COG5: variants seen among roughly 807,000 people sequenced by gnomAD.
The protein encoded by COG5 is component of oligomeric golgi complex 5.
In COG5, 86 loss-of-function variants were observed where a neutral mutation model predicts 110.4. That is an observed-to-expected ratio of 0.78 (90% confidence interval 0.65 to 0.93). The LOEUF is 0.93. Among genes scored for constraint, COG5 ranks in the 40% least tolerant of loss-of-function variants. The pLI is 0.00. For missense variants in COG5, 1,077 were observed against 987.0 expected (o/e 1.09, Z -1.22); for synonymous variants, 360 against 334.6 (o/e 1.08, Z -0.83).
intron 7 of COG5, among the ~76,000 whole-genome samples, chr7:107,390,367 T>C (rs1209366840): frequency 2.6e-5 from 4 of 152,084 alleles, no homozygotes; most frequent in Non-Finnish European, 5.9e-5. Flanking sequence ...GATAAAAAAA[T>C]TCTTGCACGT....
chr7:107,387,914 G>T (rs549748874), intron 7 of COG5, among the ~76,000 whole-genome samples: 1 of 152,186 alleles, frequency 6.6e-6, no homozygotes, highest in East Asian at 1.9e-4. Flanking sequence ...CTTTTTCTTC[G>T]ACTTCAGCAA....
chr7:107,276,035 G>T (rs1345376249), intron 14 of COG5, among the ~76,000 whole-genome samples: 2 of 151,994 alleles, frequency 1.3e-5, no homozygotes, highest in African/African-American at 4.8e-5. Context: ...CATAGCTACT[G>T]ATCTGCATTG....
At position 107,227,723 on chromosome 7, in the gene COG5, G is replaced by T. The variant is rs1340732281; in HGVS notation, c.2168+2892C>A. Among the ~76,000 whole-genome samples the T allele has an allele frequency of 1.3e-5, 2 of 151,796 alleles. 1 individual carries two copies. Among genetic ancestry groups the T allele is most frequent in the East Asian group, 3.9e-4 (2 of 5,134 alleles). On this transcript the variant is annotated intron_variant, in intron 19 of 21. Coordinates refer to ENST00000297135, the MANE Select transcript of COG5 (RefSeq NM_006348.5). The stretch of plus-strand genomic sequence containing the variant: ...TTTTGGGGCGGGGGGTGTGGGTGGT[G>T]GGCGGTAAAGGGTCTCAGTCTGTCA...
intron 14 of COG5, among the ~76,000 whole-genome samples, chr7:107,267,276 C>G (rs1318773208): frequency 2.0e-5 from 3 of 152,192 alleles, no homozygotes; most frequent in African/African-American, 7.2e-5. Flanking sequence ...CCTGGCAATA[C>G]AGGGGATAAG....
intron 6 of COG5, among the ~76,000 whole-genome samples, chr7:107,419,444 A>G (rs547586179): frequency 9.9e-5 from 15 of 152,230 alleles, no homozygotes; most frequent in African/African-American, 3.6e-4. Context: ...ATATTTTACC[A>G]CCAATTATCT....
intron 6 of COG5, among the ~76,000 whole-genome samples, chr7:107,457,186 T>C (rs1280535176): frequency 6.7e-6 from 1 of 149,284 alleles, no homozygotes; most frequent in Non-Finnish European, 1.5e-5. Flanking sequence ...TAGAGAGAAA[T>C]TGTAACTATA....
chr7:107,448,891 T>C (rs1447098731), intron 6 of COG5, among the ~76,000 whole-genome samples: 1 of 152,056 alleles, frequency 6.6e-6, no homozygotes, highest in African/African-American at 2.4e-5. Context: ...ATATAAAATA[T>C]ATGTGGATAC....
At position 107,474,336 on chromosome 7, in the gene COG5, T is replaced by C; in HGVS notation, c.538+52901A>G. 1 of 1,612,098 alleles carries C rather than the reference T, an allele frequency of 6.2e-7. No individual in the cohort carries two copies. The highest frequency in any genetic ancestry group is 8.5e-7 in the Non-Finnish European group (1 of 1,178,310). On this transcript the variant is annotated intron_variant, in intron 6 of 21. Coordinates refer to ENST00000297135, the MANE Select transcript of COG5 (RefSeq NM_006348.5). The surrounding 1 kb of genome is among the most constrained non-coding windows in gnomAD (Gnocchi z 5.7). ...TTCATGTACTTGATGTAATAATTTG[T>C]GTGGGATGTATTCCTCTAACTATAG...
At chr7:107,447,860 T>A (rs1245977026) in intron 6 of COG5, among the ~76,000 whole-genome samples, 9 of 152,172 alleles carry the variant, frequency 5.9e-5, no homozygotes. Context: ...CAAATTAATT[T>A]TATTCTTACT....
chr7:107,511,202 A>G (rs1007515464), intron 6 of COG5, among the ~76,000 whole-genome samples: 5 of 152,144 alleles, frequency 3.3e-5, no homozygotes, highest in African/African-American at 1.2e-4. Flanking sequence ...ATAAAAAATG[A>G]TAAAGGGGAT....
chr7:107,218,210 AT>A (rs1437785693), intron 19 of COG5, among the ~76,000 whole-genome samples: 6 of 152,254 alleles, frequency 3.9e-5, no homozygotes, highest in African/African-American at 1.2e-4. Flanking sequence ...TGACAAAAAA[AT>A]AAATGGAAAG....
chr7:107,412,426 T>C (rs925733605), intron 7 of COG5, 76 bp downstream of exon 7: 2 of 1,428,188 alleles, frequency 1.4e-6, no homozygotes, highest in Non-Finnish European at 9.8e-7. Context: ...TATATTACTT[T>C]TTTGAACTCA....
intron 11 of COG5, among the ~76,000 whole-genome samples, chr7:107,309,660 T>C (rs1230008991): frequency 6.6e-6 from 1 of 152,206 alleles, no homozygotes; most frequent in Non-Finnish European, 1.5e-5. Context: ...AGTAAAGGCA[T>C]CAAATAAGCA....
rs1311159572 is a variant in COG5, at chr7:107,322,842, G to GTATATTTTTTAT, written c.1108+1597_1108+1598insATAAAAAATATA. On this transcript the variant is annotated intron_variant, in intron 11 of 21. Coordinates refer to ENST00000297135, the MANE Select transcript of COG5 (RefSeq NM_006348.5). ...TCAACTGCAGAATGGATAAAAAATT[G>GTATATTTTTTAT]TGGTATATATCTACACAATGGAATA... Among the ~76,000 whole-genome samples the GTATATTTTTTAT allele has an allele frequency of 2.6e-5, 4 of 152,028 alleles. No homozygotes were observed. The South Asian group carries it at 8.3e-4, about 32-fold the overall frequency.
At chr7:107,484,855 A>G (rs867078663) in intron 6 of COG5, among the ~76,000 whole-genome samples, 2 of 152,216 alleles carry the variant, frequency 1.3e-5, no homozygotes, top group African/African-American at 2.4e-5. Flanking sequence ...TTGAATGTTA[A>G]AACAGTGGAT....
chr7:107,342,691 C>T (rs1257765929), intron 10 of COG5, among the ~76,000 whole-genome samples: 2 of 151,044 alleles, frequency 1.3e-5, no homozygotes, highest in Non-Finnish European at 1.5e-5. Context: ...AACAAAAAAC[C>T]AAACAAAAAA....
In COG5 at chr7:107,288,903, C is replaced by CAGAG. The variant is rs1186557262; in HGVS notation, c.1314-5175_1314-5172dup. Reference sequence around the variant, plus strand: ...GAAGATTTGCCCCTATGTTTTCTAACAGAGATATATATATATATATATATA... The same window carrying CAGAG: ...GAAGATTTGCCCCTATGTTTTCTAACAGAGAGAGATATATATATATATATATATA... On this transcript the variant is annotated intron_variant, in intron 12 of 21. Transcript: ENST00000297135. Among the ~76,000 whole-genome samples the CAGAG allele has an allele frequency of 2.8e-4, 23 of 81,328 alleles. No individual in the cohort carries two copies. The East Asian group carries it at 3.9e-3, about 14-fold the overall frequency. The allele number at this position is 81,328 out of a possible 152,430, so 53.4% of individuals were successfully genotyped here.
chr7:107,512,379 G>A (rs1563075749), intron 6 of COG5, among the ~76,000 whole-genome samples: 1 of 152,208 alleles, frequency 6.6e-6, no homozygotes, highest in Non-Finnish European at 1.5e-5. Context: ...ACAAGCCACT[G>A]CTCAGTGAAA....
At chr7:107,451,353 A>T (rs966702699) in intron 6 of COG5, among the ~76,000 whole-genome samples, 1 of 152,204 alleles carries the variant, frequency 6.6e-6, no homozygotes, top group African/African-American at 2.4e-5. Flanking sequence ...ACAAATTGAC[A>T]TTAGACAATC....
Sources: allele counts gnomAD v4.1 joint callset (sites outside exome capture counted in the v4.1 genomes callset), GRCh38; gene constraint gnomAD v4.1.1; non-coding constraint Gnocchi (gnomAD v3.1); transcripts MANE v1.5; gene names NCBI Gene and HGNC (gene_info 2026-07-23, HGNC 2026-07-21).